Variants in ZNF277 observed in about 807,000 individuals in gnomAD.
The protein encoded by ZNF277 is nuclear receptor-interacting factor 4.
ZNF277 carries 55 observed loss-of-function variants against 60.7 expected under a neutral mutation model. The observed-to-expected ratio is 0.91, with a 90% CI of 0.73 to 1.13. The LOEUF (loss-of-function observed/expected upper bound fraction) is 1.13, where lower values mean the gene tolerates loss of function less well. Among genes scored for constraint, ZNF277 ranks in the 50% most tolerant of loss-of-function variants. ZNF277 has a pLI of 0.00. For missense variants in ZNF277, 510 were observed against 523.0 expected (o/e 0.98, Z 0.24); for synonymous variants, 178 against 179.3 (o/e 0.99, Z 0.06).
Position 112,287,044 on chromosome 7 carries a change from C to T in ZNF277, c.263C>T (p.Ala88Val). 1.2e-6 allele frequency: 2 copies of T among 1,613,948 alleles called. No individual in the cohort carries two copies. Among genetic ancestry groups the T allele is most frequent in the Non-Finnish European group, 1.7e-6 (2 of 1,179,940 alleles). The change falls in exon 2 of 12, where the codon GCT becomes GTT. Residue 88 changes from alanine to valine, a missense_variant. Coordinates refer to ENST00000361822, the MANE Select transcript of ZNF277 (RefSeq NM_021994.3). ...HMIIEHKIVI[A>V]DVKLVADFQR... ...ATTATTGAGCATAAGATTGTCATAG[C>T]TGATGTCAAGTTGGTTGCTGATTTC...
At position 112,286,865 on chromosome 7, in the gene ZNF277, T is replaced by TTTTTTTTTAA; in HGVS notation, c.92-8_92-7insTTTTTTTTAA. 6.9e-7 allele frequency: 1 copy of TTTTTTTTTAA among 1,441,154 alleles called. No homozygotes were observed. Among genetic ancestry groups the TTTTTTTTTAA allele is most frequent in the Non-Finnish European group, 9.5e-7 (1 of 1,051,820 alleles). 89.3% of individuals were successfully genotyped at this position (1,441,154 alleles called of 1,614,324 possible). On this transcript the variant is annotated splice_polypyrimidine_tract_variant and splice_region_variant and intron_variant, in intron 1 of 11. Coordinates refer to ENST00000361822, the MANE Select transcript of ZNF277 (RefSeq NM_021994.3). ...TCTTTTTTTTTTTTTTTTTTTGGTC[T>TTTTTTTTTAA]ATTCCAGACAGTAAGGATTGTATCC...
chr7:112,270,715 T>C (rs1392546565), intron 1 of ZNF277, among the ~76,000 whole-genome samples: 1 of 152,014 alleles, frequency 6.6e-6, no homozygotes, highest in African/African-American at 2.4e-5. Context: ...CCAAAACCTA[T>C]AGAAAAGGTA....
chr7:112,219,577 G>A (rs1015724573), intron 1 of ZNF277, among the ~76,000 whole-genome samples: 3 of 152,032 alleles, frequency 2.0e-5, no homozygotes, highest in African/African-American at 4.8e-5. Flanking sequence ...TCATTGGTCC[G>A]TGTGTCTATT....
intron 1 of ZNF277, among the ~76,000 whole-genome samples, chr7:112,274,774 G>C (rs541635605): frequency 6.6e-6 from 1 of 152,116 alleles, no homozygotes; most frequent in Admixed American, 6.6e-5. Flanking sequence ...CATATCAAAT[G>C]AATTAAATTA....
chr7:112,297,819 T>C (rs1792388776), intron 4 of ZNF277, among the ~76,000 whole-genome samples: 1 of 152,234 alleles, frequency 6.6e-6, no homozygotes, highest in South Asian at 2.1e-4. Context: ...GATGTCATGA[T>C]CCTAGTAGTC....
In ZNF277 at chr7:112,342,729, A is replaced by C; in HGVS notation, c.1353A>C (p.Ter451TyrextTer6). 6.3e-7 allele frequency: 1 copy of C among 1,586,020 alleles called. No individual in the cohort carries two copies. Among genetic ancestry groups the C allele is most frequent in the Non-Finnish European group, 8.6e-7 (1 of 1,167,340 alleles). Residue 451 changes from the stop codon to tyrosine, a stop_lost, in exon 12 of 12, where the codon TAA becomes TAC. Transcript: ENST00000361822. ...QSSILNQLLL[*>Y] ...GTATTTTGAACCAGTTGCTACTATAAGAGTACTTGAAAACCTAGAAGAAAC... is the reference window on the plus strand; with the variant it reads ...GTATTTTGAACCAGTTGCTACTATACGAGTACTTGAAAACCTAGAAGAAAC...
intron 1 of ZNF277, among the ~76,000 whole-genome samples, chr7:112,207,759 GATTT>G (rs1266178248): frequency 6.6e-6 from 1 of 151,748 alleles, no homozygotes; most frequent in African/African-American, 2.4e-5. Flanking sequence ...TTTGTTTTTC[GATTT>G]ATTTGTTTTT....
At chr7:112,271,484 A>G (rs1791668417) in intron 1 of ZNF277, among the ~76,000 whole-genome samples, 1 of 152,216 alleles carries the variant, frequency 6.6e-6, no homozygotes, top group South Asian at 2.1e-4. Flanking sequence ...AAATTGGAGA[A>G]TTATATTTTT....
chr7:112,295,238 G>A (rs1395945610), intron 2 of ZNF277, among the ~76,000 whole-genome samples: 1 of 152,082 alleles, frequency 6.6e-6, no homozygotes, highest in African/African-American at 2.4e-5. Context: ...CACATATGTA[G>A]GTCTGGGTGT....
At chr7:112,288,741 C>G (rs1263691351) in intron 2 of ZNF277, 2 of 156,876 alleles carry the variant, frequency 1.3e-5, no homozygotes, top group East Asian at 3.9e-4. Flanking sequence ...ATGTTCATGC[C>G]TCCCAAAGCT....
In ZNF277 at chr7:112,321,594, C is replaced by CT. The variant is rs773711855; in HGVS notation, c.557+3322dup. 9.1e-4 allele frequency among the ~76,000 whole-genome samples: 138 copies of CT among 152,108 alleles called. 2 individuals are homozygous for CT. Among genetic ancestry groups the CT allele is most frequent in the Middle Eastern group, 3.4e-3 (1 of 294 alleles). ...TATTTATGTAGATTTGAGTTATTGTCTAGTGTCCCTTTCTTTTAACCTAAA... is the reference window on the plus strand; with the variant it reads ...TATTTATGTAGATTTGAGTTATTGTCTTAGTGTCCCTTTCTTTTAACCTAAA... On this transcript the variant is annotated intron_variant, in intron 5 of 11. Transcript: ENST00000361822.
At chr7:112,293,895 A>C (rs2396525) in intron 2 of ZNF277, among the ~76,000 whole-genome samples, 8,980 of 152,256 alleles carry the variant, frequency 0.059, 703 homozygotes, top group African/African-American at 0.18. Context: ...TAGCAGTAGC[A>C]GTAGGGAACC....
chr7:112,308,876 C>G (rs1307576702), intron 4 of ZNF277, among the ~76,000 whole-genome samples: 1 of 152,046 alleles, frequency 6.6e-6, no homozygotes, highest in East Asian at 1.9e-4. Context: ...GTGCATTTTT[C>G]TGCTAAATTT....
intron 4 of ZNF277, among the ~76,000 whole-genome samples, chr7:112,308,481 C>T (rs1254943040): frequency 2.0e-5 from 3 of 151,948 alleles, no homozygotes; most frequent in Admixed American, 1.3e-4. Context: ...CATACCACTG[C>T]ACTCTAGCCT....
intron 5 of ZNF277, among the ~76,000 whole-genome samples, chr7:112,324,193 C>T (rs1441509422): frequency 3.9e-5 from 6 of 152,130 alleles, no homozygotes; most frequent in Non-Finnish European, 8.8e-5. Context: ...CTTAGGCATG[C>T]TTTGAACACT....
At chr7:112,330,309 G>A in intron 7 of ZNF277, 93 bp downstream of exon 7, 1 of 1,312,028 alleles carries the variant, frequency 7.6e-7, no homozygotes, top group South Asian at 1.2e-5. Flanking sequence ...AGCAATTATT[G>A]CAAAAGTCAA....
At position 112,259,922 on chromosome 7, in the gene ZNF277, GA is replaced by G. The variant is rs1422408189; in HGVS notation, c.92-26950del. Among the ~76,000 whole-genome samples the G allele has an allele frequency of 2.0e-5, 3 of 152,142 alleles. No individual in the cohort carries two copies. The East Asian group carries it at 5.8e-4, about 29-fold the overall frequency. Reference sequence around the variant, plus strand: ...CATTAGGAGAGAAAAACTGTTATAAGATTTAACAAGTAGATAAGTTCATCTA... The same window carrying G: ...CATTAGGAGAGAAAAACTGTTATAAGTTTAACAAGTAGATAAGTTCATCTA... On this transcript the variant is annotated intron_variant, in intron 1 of 11. Coordinates refer to ENST00000361822, the MANE Select transcript of ZNF277 (RefSeq NM_021994.3).
intron 4 of ZNF277, among the ~76,000 whole-genome samples, chr7:112,299,329 TTTC>T (rs935262285): frequency 4.6e-5 from 7 of 152,204 alleles, no homozygotes; most frequent in African/African-American, 1.7e-4. Flanking sequence ...CAGTATACTT[TTTC>T]TTCTTCTATC....
At chr7:112,206,936 C>A in intron 1 of ZNF277, 129 bp downstream of exon 1, 1 of 837,306 alleles carries the variant, frequency 1.2e-6, no homozygotes, top group Non-Finnish European at 1.8e-6. Flanking sequence ...CTGGGCCCCA[C>A]GGGTGGTGGC....
Sources: allele counts gnomAD v4.1 joint callset (sites outside exome capture counted in the v4.1 genomes callset), GRCh38; gene constraint gnomAD v4.1.1; transcripts MANE v1.5; gene names NCBI Gene and HGNC (gene_info 2026-07-23, HGNC 2026-07-21).